Variants in INPP1 observed in about 807,000 individuals in gnomAD.
INPP1 encodes the protein inositol polyphosphate 1-phosphatase.
In INPP1, 18 loss-of-function variants were observed where a neutral mutation model predicts 23.0. That is an observed-to-expected ratio of 0.78 (90% CI 0.54 to 1.16). The LOEUF is 1.16. INPP1 is among the 50% of genes most tolerant of loss of function. The pLI is 0.00. For missense variants in INPP1, 448 were observed against 482.1 expected (o/e 0.93, Z 0.66); for synonymous variants, 164 against 176.3 (o/e 0.93, Z 0.55).
chr2:190,369,175 A>C lies in INPP1; in HGVS notation c.539A>C (p.Gln180Pro). ...SNQGIFPCGLQCVTILIGVYD... is the reference protein window; with the variant it reads ...SNQGIFPCGLPCVTILIGVYD... ...CAGGGAATCTTCCCCTGTGGACTTC[A>C]GTGTGTCACCATTTTAATTGGTGTC... The change falls in exon 6 of 7, where the codon CAG (glutamine) becomes CCG (proline). Residue 180 changes from glutamine (Q) to proline (P), a missense_variant. Coordinates refer to ENST00000392329, the MANE Select transcript of INPP1 (RefSeq NM_001128928.2). 6.2e-7 allele frequency: 1 copy of C among 1,609,274 alleles called. No individual in the cohort carries two copies. The highest frequency in any genetic ancestry group is 8.5e-7 in the Non-Finnish European group (1 of 1,175,948).
At chr2:190,369,640 T>TA (rs2124946576) in intron 6 of INPP1, among the ~76,000 whole-genome samples, 1 of 152,350 alleles carries the variant, frequency 6.6e-6, no homozygotes, top group Admixed American at 6.5e-5. Flanking sequence ...GCCATCGCTG[T>TA]ATAGCCAGTT....
Position 190,368,984 on chromosome 2 carries a change from G to C in INPP1, c.467-119G>C. The stretch of plus-strand genomic sequence containing the variant: ...AGAGGCCAAATAACAATTCAATACA[G>C]TGACATCCAAAGGTAAAAAATTATT... On this transcript the variant is annotated intron_variant, in intron 5 of 6. Transcript: ENST00000392329. This position sits in a 1 kb window ranked among gnomAD's most constrained non-coding sequence, Gnocchi z 4.3. The C allele has an allele frequency of 1.8e-6, 1 of 545,168 alleles. No homozygotes were observed. 33.8% of individuals were successfully genotyped at this position (545,168 alleles called of 1,614,324 possible). A position where few individuals can be genotyped will look rare whatever the true frequency, so the allele number is the denominator to read the frequency against.
intron 4 of INPP1, among the ~76,000 whole-genome samples, chr2:190,365,725 G>A (rs1046537770): frequency 6.6e-6 from 1 of 152,212 alleles, no homozygotes. Flanking sequence ...TGCTGGGATG[G>A]ATATATTGCC....
intron 4 of INPP1, among the ~76,000 whole-genome samples, chr2:190,366,158 T>C (rs1689656602): frequency 1.5e-5 from 2 of 132,442 alleles, no homozygotes; most frequent in Non-Finnish European, 3.2e-5. Flanking sequence ...TCTTTCGCTG[T>C]CTCTCTCGCT....
chr2:190,359,066 G>A lies in INPP1; in HGVS notation c.-64-973G>A, dbSNP rs7596746. ...TGTAGTCCCAGCACTTTGGGAGGCC[G>A]AGGTAGGAGGATCACTTGAGCGCAA... On this transcript the variant is annotated intron_variant, in intron 2 of 6. Transcript: ENST00000392329. Among the ~76,000 whole-genome samples the A allele has an allele frequency of 5.8e-3, 884 of 152,236 alleles. 11 individuals carry two copies. Among genetic ancestry groups the A allele is most frequent in the African/African-American group, 0.02 (848 of 41,552 alleles).
intron 6 of INPP1, among the ~76,000 whole-genome samples, chr2:190,369,484 AT>A (rs1280102205): frequency 6.6e-6 from 1 of 152,202 alleles, no homozygotes; most frequent in African/African-American, 2.4e-5. Flanking sequence ...GCTGGTAGAA[AT>A]TTTAAAATTA....
chr2:190,366,136 GCT>G (rs1366155225), intron 4 of INPP1, among the ~76,000 whole-genome samples: 2 of 124,818 alleles, frequency 1.6e-5, no homozygotes, highest in African/African-American at 6.1e-5. Flanking sequence ...TGTCTCTCTT[GCT>G]CTCTCTCGCT....
chr2:190,344,062 C>A, intron 1 of INPP1, 101 bp downstream of exon 1: 1 of 324,258 alleles, frequency 3.1e-6, no homozygotes. Context: ...CGCGCGCCGT[C>A]GCCTCTCCGC....
intron 4 of INPP1, 113 bp downstream of exon 4, chr2:190,362,800 A>G (rs1689561536): frequency 1.7e-6 from 1 of 584,228 alleles, no homozygotes. Flanking sequence ...AAACAACATA[A>G]TATATTTGAA....
At chr2:190,370,670 A>C (rs546920175) in intron 6 of INPP1, among the ~76,000 whole-genome samples, 174 bp from the exon 7 acceptor site, 1 of 152,368 alleles carries the variant, frequency 6.6e-6, no homozygotes, top group East Asian at 1.9e-4. Flanking sequence ...CATGCATATA[A>C]GTAACTTTCT....
chr2:190,346,019 A>T lies in INPP1; in HGVS notation c.-209+2058A>T, dbSNP rs1388624355. 2.6e-5 allele frequency among the ~76,000 whole-genome samples: 4 copies of T among 152,136 alleles called. No homozygotes were observed. The highest frequency in any genetic ancestry group is 5.9e-5 in the Non-Finnish European group (4 of 68,016). ...AAAAAATAAAAATTAAGTTAAAATT[A>T]AAAAAATAAAAGTTCTGCTTCCCGT... On this transcript the variant is annotated intron_variant, in intron 1 of 6. Transcript: ENST00000392329. This position sits in a 1 kb window ranked among gnomAD's most constrained non-coding sequence, Gnocchi z 5.1.
intron 3 of INPP1, among the ~76,000 whole-genome samples, chr2:190,361,354 C>G (rs888961313): frequency 6.6e-6 from 1 of 152,078 alleles, no homozygotes; most frequent in Admixed American, 6.5e-5. Flanking sequence ...ATGAAATTTT[C>G]AAAATATTGA....
chr2:190,364,606 T>TTTTTTTTTTTTTTTTTTG lies in INPP1; in HGVS notation c.265+1919_265+1920insTTTTTTTTTTTTTTTTTG, dbSNP rs796196740. ...GAGGTTCTGATTTTTTTTTTTTTTTTGTTAGATGGAGTCTCCCTCTGTTGC... is the reference window on the plus strand; with the variant it reads ...GAGGTTCTGATTTTTTTTTTTTTTTTTTTTTTTTTTTTTTTTTGGTTAGATGGAGTCTCCCTCTGTTGC... On this transcript the variant is annotated intron_variant, in intron 4 of 6. Transcript: ENST00000392329. 9.3e-5 allele frequency among the ~76,000 whole-genome samples: 9 copies of TTTTTTTTTTTTTTTTTTG among 96,350 alleles called. 1 individual carries two copies. The highest frequency in any genetic ancestry group is 2.6e-4 in the African/African-American group (6 of 22,994). The allele number at this position is 96,350 out of a possible 152,430, so 63.2% of individuals were successfully genotyped here.
chr2:190,354,362 T>A lies in INPP1; in HGVS notation c.-65+5331T>A, dbSNP rs189766362. Among the ~76,000 whole-genome samples, 3 of 151,394 alleles carry A rather than the reference T, an allele frequency of 2.0e-5. No individual in the cohort carries two copies. The East Asian group carries it at 5.9e-4, about 30-fold the overall frequency. On this transcript the variant is annotated intron_variant, in intron 2 of 6. Transcript: ENST00000392329. This position sits in a 1 kb window ranked among gnomAD's most constrained non-coding sequence, Gnocchi z 4.8. ...ACGGCCTGTCTTTCAGGAGAGGTTT[T>A]AGGGGCTAAATTATGTTACTTCAAA...
At position 190,371,001 on chromosome 2, in the gene INPP1, A is replaced by G; in HGVS notation, c.799A>G (p.Ser267Gly). The stretch of plus-strand genomic sequence containing the variant: ...CAGTTTTTCAGCCGTAATTAGTACA[A>G]GTGAAAAGGAGACTATCAAAGCTGC... ...SPSFSAVIST[S>G]EKETIKAALS... Residue 267 changes from serine to glycine, a missense_variant, in exon 7 of 7, where the codon AGT (serine) becomes GGT (glycine). Ser to Gly is a moderately conservative substitution (Grantham distance 56). Coordinates refer to ENST00000392329, the MANE Select transcript of INPP1 (RefSeq NM_001128928.2). The surrounding 1 kb of genome is among the most constrained non-coding windows in gnomAD (Gnocchi z 5.3). 1.2e-6 allele frequency: 2 copies of G among 1,614,220 alleles called. No homozygotes were observed. Among genetic ancestry groups the G allele is most frequent in the East Asian group, 2.2e-5 (1 of 44,884 alleles).
At chr2:190,364,362 A>AC (rs1439975053) in intron 4 of INPP1, among the ~76,000 whole-genome samples, 3 of 151,796 alleles carry the variant, frequency 2.0e-5, no homozygotes, top group Admixed American at 6.6e-5. Context: ...ACACGGTGAA[A>AC]CCCCGTCTCT....
Position 190,366,764 on chromosome 2 carries a change from A to G in INPP1, c.335A>G (p.Asn112Ser), listed in dbSNP as rs201964239. Residue 112 changes from asparagine (N) to serine (S), a missense_variant, in exon 5 of 7, where the codon AAT becomes AGT. Coordinates refer to ENST00000392329, the MANE Select transcript of INPP1 (RefSeq NM_001128928.2). ...ETAELLSKVL[N>S]GNKVASEALA... The stretch of plus-strand genomic sequence containing the variant: ...GCAGAGCTTCTTAGCAAAGTCCTCA[A>G]TGGTAACAAGGTGGCATCTGAAGCA... The G allele has an allele frequency of 2.5e-6, 4 of 1,613,600 alleles. No homozygotes were observed. Among genetic ancestry groups the G allele is most frequent in the African/African-American group, 2.7e-5 (2 of 75,038 alleles).
At chr2:190,347,064 T>G (rs972299200) in intron 1 of INPP1, among the ~76,000 whole-genome samples, 22 of 140,972 alleles carry the variant, frequency 1.6e-4, no homozygotes, top group African/African-American at 6.0e-4. Flanking sequence ...CAGGCTAGAG[T>G]GCAGTGGTGT....
At position 190,352,815 on chromosome 2, in the gene INPP1, A is replaced by T. The variant is rs1178687223; in HGVS notation, c.-65+3784A>T. Reference sequence around the variant, plus strand: ...CTGTACCCCCTTGGAAAAGGTCATGAGAAACACCTTCTTGTAAAACACCCA... The same window carrying T: ...CTGTACCCCCTTGGAAAAGGTCATGTGAAACACCTTCTTGTAAAACACCCA... On this transcript the variant is annotated intron_variant, in intron 2 of 6. Transcript: ENST00000392329. The surrounding 1 kb of genome is among the most constrained non-coding windows in gnomAD (Gnocchi z 4.7). Among the ~76,000 whole-genome samples, 1 of 152,216 alleles carries T rather than the reference A, an allele frequency of 6.6e-6. No homozygotes were observed. Among genetic ancestry groups the T allele is most frequent in the African/African-American group, 2.4e-5 (1 of 41,458 alleles).
Sources: gnomAD v4.1 joint callset for allele counts (sites outside exome capture counted in the v4.1 genomes callset) on GRCh38, gnomAD v4.1.1 for gene constraint, Gnocchi (gnomAD v3.1) non-coding constraint, MANE v1.5 for transcripts, NCBI Gene and HGNC (gene_info 2026-07-23, HGNC 2026-07-21) for gene names.